BABAM1: variants seen among roughly 807,000 people sequenced by gnomAD.
The protein encoded by BABAM1 is BRISC and BRCA1 A complex member 1, also known as BRISC and BRCA1-A complex member 1.
In BABAM1, 14 loss-of-function variants were observed where a neutral mutation model predicts 34.4. The ratio of observed to expected loss-of-function variants is 0.41; its 90% confidence interval spans 0.27 to 0.64. The LOEUF (loss-of-function observed/expected upper bound fraction) is 0.64, where lower values mean the gene tolerates loss of function less well. BABAM1 is among the 30% of genes least tolerant of loss of function. The pLI is 0.34. For missense variants in BABAM1, 393 were observed against 434.0 expected (o/e 0.91, Z 0.84); for synonymous variants, 169 against 165.8 (o/e 1.02, Z -0.15).
At chr19:17,268,621 G>A in intron 1 of BABAM1, 173 bp from the exon 2 acceptor site, 1 of 616,432 alleles carries the variant, frequency 1.6e-6, no homozygotes, top group Non-Finnish European at 2.7e-6. Context: ...TTGAGACGGG[G>A]TTTCTCCATG....
At position 17,276,548 on chromosome 19, in the gene BABAM1, C is replaced by CA; in HGVS notation, c.624dup (p.Tyr209IlefsTer36). On this transcript the variant is annotated frameshift_variant, in exon 7 of 9. Coordinates refer to ENST00000598188, the MANE Select transcript of BABAM1 (RefSeq NM_014173.4). LOFTEE classifies it high-confidence loss of function. ...GAGAACGTGCAGACGATTCCCCCGCCATATGTGGTCCGCACCATCCTTGTC... is the reference window on the plus strand; with the variant it reads ...GAGAACGTGCAGACGATTCCCCCGCCAATATGTGGTCCGCACCATCCTTGTC... 1 of 1,605,414 alleles carries CA rather than the reference C, an allele frequency of 6.2e-7. No homozygotes were observed. The highest frequency in any genetic ancestry group is 8.5e-7 in the Non-Finnish European group (1 of 1,176,264).
At chr19:17,278,520 A>G (rs1361512597) in intron 8 of BABAM1, among the ~76,000 whole-genome samples, 2 of 151,904 alleles carry the variant, frequency 1.3e-5, no homozygotes. Flanking sequence ...TGTGTTAGCC[A>G]GGATGGTCTT....
intron 8 of BABAM1, chr19:17,277,202 CTTTTTTT>C (rs10532887): frequency 1.1e-5 from 2 of 175,936 alleles, no homozygotes; most frequent in Non-Finnish European, 2.2e-5. Context: ...CTTTCTTCTT[CTTTTTTT>C]TTTTTTTTTT....
intron 8 of BABAM1, 128 bp downstream of exon 8, chr19:17,277,037 G>A (rs1315674643): frequency 2.3e-6 from 2 of 868,908 alleles, no homozygotes; most frequent in Non-Finnish European, 3.5e-6. Context: ...GGTAGGTCAT[G>A]GCATTGGTCA....
chr19:17,268,617 C>G (rs374674950), intron 1 of BABAM1, 177 bp from the exon 2 acceptor site: 1 of 592,630 alleles, frequency 1.7e-6, no homozygotes, highest in Non-Finnish European at 2.8e-6. Context: ...TTAGTTGAGA[C>G]GGGGTTTCTC....
intron 1 of BABAM1, among the ~76,000 whole-genome samples, chr19:17,267,983 C>T (rs1416045594): frequency 6.6e-6 from 1 of 151,686 alleles, no homozygotes; most frequent in Non-Finnish European, 1.5e-5. Context: ...GGAGCTGGGT[C>T]CAGGTGGTCA....
chr19:17,274,321 C>A, intron 5 of BABAM1, 136 bp downstream of exon 5: 2 of 1,113,842 alleles, frequency 1.8e-6, no homozygotes, highest in Non-Finnish European at 1.3e-6. Flanking sequence ...GGAAAGTCAC[C>A]CCTCTGAGCC....
chr19:17,278,399 C>G (rs1226903680), intron 8 of BABAM1, among the ~76,000 whole-genome samples: 1 of 149,358 alleles, frequency 6.7e-6, no homozygotes, highest in Admixed American at 6.7e-5. Flanking sequence ...AGCTCCGCCT[C>G]CCGGGTTTGC....
Position 17,273,895 on chromosome 19 carries a change from C to T in BABAM1, c.345-9C>T, listed in dbSNP as rs770883294. The T allele has an allele frequency of 4.4e-6, 7 of 1,600,262 alleles. No homozygotes were observed. Among genetic ancestry groups the T allele is most frequent in the Non-Finnish European group, 5.1e-6 (6 of 1,173,658 alleles). On this transcript the variant is annotated splice_polypyrimidine_tract_variant and intron_variant, in intron 3 of 8. Coordinates refer to ENST00000598188, the MANE Select transcript of BABAM1 (RefSeq NM_014173.4). The stretch of plus-strand genomic sequence containing the variant: ...AACCTTAATTCCCCTGTACTCTCTG[C>T]CTCCCCAGCTCCAAAACCAACGCCC...
chr19:17,270,620 G>A (rs1343487238), intron 2 of BABAM1, among the ~76,000 whole-genome samples: 1 of 146,734 alleles, frequency 6.8e-6, no homozygotes, highest in Non-Finnish European at 1.5e-5. Flanking sequence ...CCGGCTCCCT[G>A]GTTCAAATGA....
intron 1 of BABAM1, among the ~76,000 whole-genome samples, chr19:17,267,953 C>T (rs1007498915): frequency 6.6e-6 from 1 of 151,786 alleles, no homozygotes; most frequent in Non-Finnish European, 1.5e-5. Flanking sequence ...AAGTTGGTGG[C>T]TTATAGATTG....
chr19:17,271,394 C>G (rs1406537160), intron 2 of BABAM1, among the ~76,000 whole-genome samples: 1 of 152,184 alleles, frequency 6.6e-6, no homozygotes, highest in Non-Finnish European at 1.5e-5. Context: ...CATTCTCTGG[C>G]TCATTTATTT....
At chr19:17,277,797 A>T (rs8113422) in intron 8 of BABAM1, among the ~76,000 whole-genome samples, 138,057 of 152,100 alleles carry the variant, frequency 0.91, 63,441 homozygotes, top group African/African-American at 0.98. Flanking sequence ...GAGGCTCGCT[A>T]GAGCTCGAAA....
intron 8 of BABAM1, among the ~76,000 whole-genome samples, chr19:17,278,588 C>T (rs1367129516): frequency 2.6e-5 from 4 of 152,070 alleles, no homozygotes; most frequent in African/African-American, 7.2e-5. Flanking sequence ...GGATTACAGG[C>T]GTGAGCCACC....
chr19:17,277,162 CCTTT>C (rs763147639), intron 8 of BABAM1: 54 of 413,860 alleles, frequency 1.3e-4, no homozygotes, highest in Non-Finnish European at 1.6e-4. Context: ...TCCCTGCGTT[CCTTT>C]CTTTCTTGCT....
In BABAM1 at chr19:17,279,085, A is replaced by C; in HGVS notation, c.*37A>C. 1 of 1,576,466 alleles carries C rather than the reference A, an allele frequency of 6.3e-7. No individual in the cohort carries two copies. The highest frequency in any genetic ancestry group is 8.6e-7 in the Non-Finnish European group (1 of 1,157,602). On this transcript the variant is annotated 3_prime_UTR_variant, in exon 9 of 9. Coordinates refer to ENST00000598188, the MANE Select transcript of BABAM1 (RefSeq NM_014173.4). ...ACATCTGCACCTTCTTGTGCAAGGAAGTCCTTGGCCTAAAGCCTTGGTTCT... is the reference window on the plus strand; with the variant it reads ...ACATCTGCACCTTCTTGTGCAAGGACGTCCTTGGCCTAAAGCCTTGGTTCT...
chr19:17,278,982 G>C lies in BABAM1; in HGVS notation c.924G>C (p.Gln308His), dbSNP rs2073944527. ...CCCACCCCCTGCAGCGGCCTTGCCA[G>C]AGCCATGCTTCCTACAGCCTGCTGG... Reference protein sequence around the residue: ...LLAHPLQRPCQSHASYSLLEE... With the variant: ...LLAHPLQRPCHSHASYSLLEE... Residue 308 changes from glutamine (Q) to histidine (H), a missense_variant, in exon 9 of 9, where the codon CAG becomes CAC. Physicochemically the swap from Gln to His is conservative, Grantham distance 24. Transcript: ENST00000598188. The C allele has an allele frequency of 1.9e-6, 3 of 1,612,680 alleles. No homozygotes were observed. In the African/African-American group the frequency reaches 4.0e-5, roughly 22 times the overall value.
chr19:17,272,639 C>T (rs1400958979), intron 3 of BABAM1, among the ~76,000 whole-genome samples: 2 of 151,208 alleles, frequency 1.3e-5, no homozygotes, highest in African/African-American at 4.8e-5. Flanking sequence ...ATCTCCTGAC[C>T]TCATGATCCG....
chr19:17,270,454 C>G (rs1261874100), intron 2 of BABAM1, among the ~76,000 whole-genome samples: 1 of 152,018 alleles, frequency 6.6e-6, no homozygotes, highest in Non-Finnish European at 1.5e-5. Flanking sequence ...GTCATCAAAA[C>G]AGGATCTTAT....
Sources: gnomAD v4.1 joint callset for allele counts (sites outside exome capture counted in the v4.1 genomes callset) on GRCh38, gnomAD v4.1.1 for gene constraint, MANE v1.5 for transcripts, NCBI Gene and HGNC (gene_info 2026-07-23, HGNC 2026-07-21) for gene names.